FSIP2: variants seen among roughly 807,000 people sequenced by gnomAD.
FSIP2 encodes the protein fibrous sheath interacting protein 2.
Under a neutral mutation model 510.5 loss-of-function variants are expected in FSIP2, and 367 were observed. The observed-to-expected ratio is 0.72, with a 90% CI of 0.66 to 0.78. FSIP2 has a LOEUF of 0.78. Among genes scored for constraint, FSIP2 ranks in the 30% least tolerant of loss-of-function variants. The pLI, the probability that FSIP2 is intolerant of heterozygous loss-of-function variation, is 0.00. For synonymous variants in FSIP2, 2,601 were observed against 2,732.2 expected, an observed-to-expected ratio of 0.95 and a Z score of 1.50; for missense variants, 7,594 against 7,901.7, an observed-to-expected ratio of 0.96 and a Z score of 1.48.
chr2:185,756,124 GT>G (rs1692241690), intron 8 of FSIP2, 67 bp from the exon 9 acceptor site: 2 of 570,124 alleles, frequency 3.5e-6, no homozygotes, highest in Non-Finnish European at 5.9e-6. Context: ...AAAAGGATAA[GT>G]AGTCTATCTT....
At chr2:185,830,275 A>G (rs190852695) in intron 21 of FSIP2, among the ~76,000 whole-genome samples, 3 of 152,050 alleles carry the variant, frequency 2.0e-5, no homozygotes, top group Admixed American at 6.6e-5. Flanking sequence ...GCTTTCAAGG[A>G]AAAGGTCAAA....
chr2:185,802,442 GA>G lies in FSIP2; in HGVS notation c.13139del (p.Asn4380MetfsTer3). ...IVDELATSVY[R>X]NALKQHGLDL... ...GATGAACTTGCCACCTCAGTTTATA[GA>G]AATGCTTTAAAGCAGCATGGGCTAG... On this transcript the variant is annotated frameshift_variant, in exon 17 of 23. Coordinates refer to ENST00000424728, the MANE Select transcript of FSIP2 (RefSeq NM_173651.4). LOFTEE classifies it high-confidence loss of function. The G allele has an allele frequency of 2.0e-6, 3 of 1,533,934 alleles. No homozygotes were observed. The highest frequency in any genetic ancestry group is 2.6e-6 in the Non-Finnish European group (3 of 1,145,496).
rs202011326 is a variant in FSIP2, at chr2:185,794,390, C to T, written c.7254C>T (p.Asn2418=). 61 of 1,518,672 alleles carry T rather than the reference C, an allele frequency of 4.0e-5. No homozygotes were observed. In the Admixed American group the frequency reaches 8.4e-4, roughly 21 times the overall value. 94.1% of individuals were successfully genotyped at this position (1,518,672 alleles called of 1,614,324 possible). A position where few individuals can be genotyped will look rare whatever the true frequency, so the allele number is the denominator to read the frequency against. ...GTTTTAATTCAAAAGAAAATTCTAA[C>T]TTTTCACAATTAGCTTTATCAAATG... ...EICFNSKENS[N]FSQLALSNEI... The change falls in exon 16 of 23, where the codon AAC becomes AAT. Residue 2418 remains asparagine (N), a synonymous_variant. Coordinates refer to ENST00000424728, the MANE Select transcript of FSIP2 (RefSeq NM_173651.4).
At position 185,762,033 on chromosome 2, in the gene FSIP2, A is replaced by G. The variant is rs2105558228; in HGVS notation, c.1240+16A>G. 1.5e-6 allele frequency: 2 copies of G among 1,290,866 alleles called. No homozygotes were observed. The highest frequency in any genetic ancestry group is 2.2e-6 in the Non-Finnish European group (2 of 930,098). 80.0% of individuals were successfully genotyped at this position (1,290,866 alleles called of 1,614,324 possible). A position where few individuals can be genotyped will look rare whatever the true frequency, so the allele number is the denominator to read the frequency against. ...GATGATAGAGGTAAGAAAATAAACA[A>G]TAGTCATAATTTTTCTGTTATTAGG... On this transcript the variant is annotated intron_variant, in intron 11 of 22. Transcript: ENST00000424728.
At chr2:185,767,225 G>A (rs1308356205) in intron 13 of FSIP2, among the ~76,000 whole-genome samples, 3 of 149,606 alleles carry the variant, frequency 2.0e-5, no homozygotes, top group Non-Finnish European at 4.5e-5. Flanking sequence ...GCTAGATGAC[G>A]AGTTAGTGGG....
intron 13 of FSIP2, chr2:185,765,741 G>A (rs2105565284): frequency 6.6e-6 from 1 of 151,990 alleles, no homozygotes; most frequent in African/African-American, 2.4e-5. Context: ...GGGCAGTATG[G>A]CCATTTTCAC....
chr2:185,820,091 A>T (rs1693887074), intron 19 of FSIP2, among the ~76,000 whole-genome samples: 1 of 151,934 alleles, frequency 6.6e-6, no homozygotes. Context: ...CCCAAATCTC[A>T]TCTTCAATTG....
intron 13 of FSIP2, among the ~76,000 whole-genome samples, chr2:185,769,959 T>G (rs550729581): frequency 6.6e-6 from 1 of 152,296 alleles, no homozygotes; most frequent in South Asian, 2.1e-4. Context: ...TACCATGCTG[T>G]TTGGTTACTG....
At chr2:185,743,967 TG>T (rs1301196422) in intron 3 of FSIP2, among the ~76,000 whole-genome samples, 1 of 151,896 alleles carries the variant, frequency 6.6e-6, no homozygotes, top group Non-Finnish European at 1.5e-5. Context: ...CCTGAGTAGC[TG>T]GGACTACAGG....
chr2:185,795,795 C>T lies in FSIP2; in HGVS notation c.8659C>T (p.Pro2887Ser). Residue 2887 changes from proline (P) to serine (S), a missense_variant, in exon 16 of 23, where the codon CCT becomes TCT. Physicochemically the swap from Pro to Ser is moderately conservative, Grantham distance 74. Transcript: ENST00000424728. ...EYSLSLLNLP[P>S]LENCESRFYN... ...TTCTCTTTCACTTTTAAATTTGCCC[C>T]CTCTTGAGAATTGTGAAAGCAGGTT... is the stretch of plus-strand genomic sequence containing the variant. The T allele has an allele frequency of 1.3e-6, 2 of 1,533,586 alleles. No individual in the cohort carries two copies. Among genetic ancestry groups the T allele is most frequent in the Non-Finnish European group, 8.7e-7 (1 of 1,145,048 alleles). The allele number at this position is 1,533,586 out of a possible 1,614,324, so 95.0% of individuals were successfully genotyped here.
At chr2:185,743,865 C>T (rs966881165) in intron 3 of FSIP2, among the ~76,000 whole-genome samples, 1 of 152,132 alleles carries the variant, frequency 6.6e-6, no homozygotes, top group South Asian at 2.1e-4. Flanking sequence ...GACAGGTTCT[C>T]ACTTTGTTGC....
chr2:185,758,774 G>A (rs528305230), intron 9 of FSIP2, among the ~76,000 whole-genome samples: 8 of 151,200 alleles, frequency 5.3e-5, no homozygotes, highest in Admixed American at 1.3e-4. Context: ...AGTGATCATC[G>A]ATAGCTGGGC....
rs1344891045 is a variant in FSIP2 at position 185,808,780 on chromosome 2, G to T, written c.19474G>T (p.Ala6492Ser). Residue 6492 changes from alanine to serine, a missense_variant, in exon 17 of 23, where the codon GCC (alanine) becomes TCC (serine). Ala to Ser is a moderately conservative substitution (Grantham distance 99, BLOSUM62 1). Transcript: ENST00000424728. ...ELDVNRIVQK[A>S]QEHAFNVIPE... ...AGACGTTAATAGAATTGTTCAAAAG[G>T]CCCAAGAACATGCTTTTAATGTGAT... 6.2e-7 allele frequency: 1 copy of T among 1,612,590 alleles called. No individual in the cohort carries two copies. The highest frequency in any genetic ancestry group is 8.5e-7 in the Non-Finnish European group (1 of 1,179,408).
rs1693240137 is a variant in FSIP2, at chr2:185,795,270, G to T, written c.8134G>T (p.Gly2712Trp). Reference sequence around the variant, plus strand: ...AGACAGCAGATCCAAGACTGCCATTGGGTTGTCACACATCATGTCAGCTGG... The same window carrying T: ...AGACAGCAGATCCAAGACTGCCATTTGGTTGTCACACATCATGTCAGCTGG... ...LKDSRSKTAI[G>W]LSHIMSAGDA... The change falls in exon 16 of 23, where the codon GGG becomes TGG. Residue 2712 changes from glycine (G) to tryptophan (W), a missense_variant. Gly to Trp is a radical substitution (Grantham distance 184). Transcript: ENST00000424728. The T allele has an allele frequency of 1.3e-6, 2 of 1,535,026 alleles. No homozygotes were observed. Among genetic ancestry groups the T allele is most frequent in the Non-Finnish European group, 1.7e-6 (2 of 1,146,318 alleles).
rs1206939927 is a variant in FSIP2 at position 185,788,694 on chromosome 2, G to T, written c.1558G>T (p.Val520Leu). ...AATTCAGAATGTAATGACCTGGGTT[G>T]TGGCTACAGTGACCAGTATATTGTA... ...IIIQNVMTWV[V>L]ATVTSILYPA... Residue 520 changes from valine to leucine, a missense_variant, in exon 16 of 23, where the codon GTG (valine) becomes TTG (leucine). Coordinates refer to ENST00000424728, the MANE Select transcript of FSIP2 (RefSeq NM_173651.4). The T allele has an allele frequency of 6.5e-7, 1 of 1,530,970 alleles. No homozygotes were observed. Among genetic ancestry groups the T allele is most frequent in the Admixed American group, 2.0e-5 (1 of 50,418 alleles). The allele number at this position is 1,530,970 out of a possible 1,614,324, so 94.8% of individuals were successfully genotyped here.
In FSIP2 at chr2:185,793,495, G is replaced by T. The variant is rs141668297; in HGVS notation, c.6359G>T (p.Cys2120Phe). 6.5e-7 allele frequency: 1 copy of T among 1,534,434 alleles called. No individual in the cohort carries two copies. Among genetic ancestry groups the T allele is most frequent in the South Asian group, 1.2e-5 (1 of 84,040 alleles). Residue 2120 changes from cysteine (C) to phenylalanine (F), a missense_variant, in exon 16 of 23, where the codon TGT becomes TTT. Cys to Phe is a radical substitution (Grantham distance 205, BLOSUM62 -2). Transcript: ENST00000424728. ...NLSFATPTLK[C>F]SIADKHSEEN... is the part of the protein sequence containing the mutation. ...TCATTTGCCACACCCACTCTGAAAT[G>T]TAGCATAGCTGATAAACATTCAGAA... is the stretch of plus-strand genomic sequence containing the variant.
chr2:185,795,577 A>C lies in FSIP2; in HGVS notation c.8441A>C (p.Gln2814Pro). The change falls in exon 16 of 23, where the codon CAA (glutamine) becomes CCA (proline). Residue 2814 changes from glutamine (Q) to proline (P), a missense_variant. By Grantham distance (76) the Gln-to-Pro change is moderately conservative. Transcript: ENST00000424728. ...ATAGGCACAGGATCCCTTCCTAAAC[A>C]ACAAGCATGTTTTTACTTGGAGAAT... ...GNIGTGSLPK[Q>P]QACFYLENVS... 6.5e-7 allele frequency: 1 copy of C among 1,535,140 alleles called. No homozygotes were observed. Among genetic ancestry groups the C allele is most frequent in the Non-Finnish European group, 8.7e-7 (1 of 1,146,138 alleles).
At chr2:185,744,468 T>C in intron 4 of FSIP2, 57 bp downstream of exon 4, 1 of 376,088 alleles carries the variant, frequency 2.7e-6, no homozygotes, top group Non-Finnish European at 4.6e-6. Flanking sequence ...AAATGCTTGA[T>C]TATATGTAGA....
At position 185,815,433 on chromosome 2, in the gene FSIP2, A is replaced by C. The variant is rs769997296; in HGVS notation, c.20388A>C (p.Ser6796=). The C allele has an allele frequency of 1.3e-6, 2 of 1,514,270 alleles. No homozygotes were observed. The highest frequency in any genetic ancestry group is 1.9e-5 in the Admixed American group (1 of 52,850). The allele number at this position is 1,514,270 out of a possible 1,614,324, so 93.8% of individuals were successfully genotyped here. ...THYFIHRIMS[S]SSYNQEDLIS... is the part of the protein sequence containing the mutation. ...ACTTCATACACAGAATTATGAGTTC[A>C]TCTTCATACAACCAAGAAGATCTCA... Residue 6796 remains serine (S), a synonymous_variant, in exon 19 of 23, where the codon TCA becomes TCC. Coordinates refer to ENST00000424728, the MANE Select transcript of FSIP2 (RefSeq NM_173651.4).
Sources: allele counts gnomAD v4.1 joint callset (sites outside exome capture counted in the v4.1 genomes callset), GRCh38; gene constraint gnomAD v4.1.1; transcripts MANE v1.5; gene names NCBI Gene and HGNC (gene_info 2026-07-23, HGNC 2026-07-21).